Variants in DACH2 observed in about 807,000 individuals in gnomAD.
DACH2 encodes the protein dachshund family transcription factor 2.
A neutral mutation model predicts 35.8 loss-of-function variants in DACH2; 17 were observed. The observed-to-expected ratio is 0.48, with a 90% CI of 0.33 to 0.71. The LOEUF (loss-of-function observed/expected upper bound fraction) is 0.71, where lower values mean the gene tolerates loss of function less well. Ranked by LOEUF, DACH2 falls within the 30% of genes least tolerant of loss-of-function variation. DACH2 has a pLI of 0.02. For synonymous variants in DACH2, 195 were observed against 177.3 expected, an observed-to-expected ratio of 1.10 and a Z score of -0.79; for missense variants, 469 against 472.7, an observed-to-expected ratio of 0.99 and a Z score of 0.07.
intron 6 of DACH2, 125 bp from the exon 7 acceptor site, chrX:86,739,622 C>T (rs755093021): frequency 8.2e-6 from 6 of 732,804 alleles, no homozygotes; most frequent in Non-Finnish European, 9.6e-6. Context: ...TATTTAAGAC[C>T]AATTATTGTA....
chrX:86,688,446 T>C (rs1467005626), intron 4 of DACH2, among the ~76,000 whole-genome samples: 2 of 111,703 alleles, frequency 1.8e-5, no homozygotes, highest in Admixed American at 1.9e-4. Flanking sequence ...GGGAACCCAG[T>C]GTAAAGTCAA....
At chrX:86,293,762 T>G (rs1003239974) in intron 1 of DACH2, among the ~76,000 whole-genome samples, 1 of 111,743 alleles carries the variant, frequency 8.9e-6, no homozygotes, top group East Asian at 2.8e-4. Flanking sequence ...CCCACTCTCT[T>G]CTGGCTTGTA....
intron 3 of DACH2, among the ~76,000 whole-genome samples, chrX:86,556,750 G>A (rs1310363029): frequency 6.7e-5 from 2 of 29,799 alleles, no homozygotes; most frequent in Non-Finnish European, 1.1e-4. Context: ...AGAACCAATA[G>A]GATATGTATA....
chrX:86,416,786 C>T, intron 2 of DACH2, among the ~76,000 whole-genome samples: 1 of 110,006 alleles, frequency 9.1e-6, no homozygotes, highest in South Asian at 4.0e-4. Flanking sequence ...GAGGGAATTG[C>T]CAGGGACGTT....
chrX:86,243,640 A>G (rs1376321907), intron 1 of DACH2, among the ~76,000 whole-genome samples: 1 of 111,746 alleles, frequency 8.9e-6, no homozygotes, highest in African/African-American at 3.2e-5. Context: ...CTTTGTTGTT[A>G]TCACTACTCA....
At chrX:86,152,200 G>A (rs2030391162) in intron 1 of DACH2, among the ~76,000 whole-genome samples, 1 of 111,512 alleles carries the variant, frequency 9.0e-6, no homozygotes, top group Non-Finnish European at 1.9e-5. Flanking sequence ...TGGTGTCATT[G>A]GCAATTTTCT....
At chrX:86,803,524 A>G (rs1428221216) in intron 7 of DACH2, among the ~76,000 whole-genome samples, 1 of 111,065 alleles carries the variant, frequency 9.0e-6, no homozygotes, top group Non-Finnish European at 1.9e-5. Context: ...CATAAATTAT[A>G]TATTCATGTA....
At chrX:86,532,481 GCT>G (rs199608577) in intron 3 of DACH2, among the ~76,000 whole-genome samples, 172 of 102,225 alleles carry the variant, frequency 1.7e-3, no homozygotes, top group African/African-American at 3.7e-3. Flanking sequence ...TTGAAGTATA[GCT>G]CTCTCTCTCT....
intron 1 of DACH2, among the ~76,000 whole-genome samples, chrX:86,285,288 C>G (rs986110273): frequency 9.0e-6 from 1 of 111,230 alleles, no homozygotes; most frequent in Non-Finnish European, 1.9e-5. Context: ...TGAAGTTTTA[C>G]TTCATTTTTG....
intron 3 of DACH2, among the ~76,000 whole-genome samples, chrX:86,610,413 CTTTCTTTTCTTTCT>C (rs1199083719): frequency 9.8e-4 from 67 of 68,198 alleles, no homozygotes; most frequent in Middle Eastern, 7.8e-3. Context: ...TTCTTTCTTT[CTTTCTTTTCTTTCT>C]TTCTTTCTTT....
intron 2 of DACH2, among the ~76,000 whole-genome samples, chrX:86,491,260 G>T (rs1013763397): frequency 4.5e-5 from 5 of 111,595 alleles, no homozygotes; most frequent in African/African-American, 1.6e-4. Context: ...GACATACATT[G>T]TACAGGACAC....
intron 1 of DACH2, among the ~76,000 whole-genome samples, chrX:86,151,946 C>T (rs2030381428): frequency 9.0e-6 from 1 of 110,745 alleles, no homozygotes. Flanking sequence ...AACAGAAGAG[C>T]TTATAGAGAT....
intron 1 of DACH2, among the ~76,000 whole-genome samples, chrX:86,309,657 T>A (rs750759392): frequency 1.8e-5 from 2 of 112,068 alleles, no homozygotes; most frequent in East Asian, 5.6e-4. Flanking sequence ...TGAGGGATAA[T>A]CTACCTCAGT....
chrX:86,659,787 G>GAT (rs995785618), intron 4 of DACH2, among the ~76,000 whole-genome samples: 1 of 111,662 alleles, frequency 9.0e-6, no homozygotes, highest in African/African-American at 3.2e-5. Context: ...ACGAATCTGA[G>GAT]ATAATCACAT....
intron 11 of DACH2, among the ~76,000 whole-genome samples, chrX:86,816,941 G>T (rs187518539): frequency 8.9e-6 from 1 of 111,915 alleles, no homozygotes; most frequent in Non-Finnish European, 1.9e-5. Flanking sequence ...TATGTTGCTC[G>T]CTGGAATTAA....
At chrX:86,578,432 C>T (rs2039462092) in intron 3 of DACH2, among the ~76,000 whole-genome samples, 1 of 110,897 alleles carries the variant, frequency 9.0e-6, no homozygotes, top group African/African-American at 3.3e-5. Context: ...CATTATTTGT[C>T]ACTAAAATCC....
intron 7 of DACH2, among the ~76,000 whole-genome samples, chrX:86,768,719 G>T (rs766256229): frequency 1.4e-4 from 16 of 111,179 alleles, no homozygotes; most frequent in Non-Finnish European, 2.6e-4. Context: ...TGTTCCTGTG[G>T]TTTGGCCTTT....
intron 2 of DACH2, among the ~76,000 whole-genome samples, chrX:86,454,786 T>G: frequency 8.9e-6 from 1 of 112,221 alleles, no homozygotes; most frequent in East Asian, 2.8e-4. Flanking sequence ...TTCAGTCATC[T>G]CAGCCTCAGC....
intron 1 of DACH2, among the ~76,000 whole-genome samples, chrX:86,342,428 T>G (rs200918841): frequency 1.8e-5 from 2 of 111,297 alleles, no homozygotes; most frequent in Non-Finnish European, 3.8e-5. Flanking sequence ...TGCTTGAGCC[T>G]GGGAGTGATG....
Sources: allele counts gnomAD v4.1 joint callset (sites outside exome capture counted in the v4.1 genomes callset), GRCh38; gene constraint gnomAD v4.1.1; transcripts MANE v1.5; gene names NCBI Gene and HGNC (gene_info 2026-07-23, HGNC 2026-07-21).